Variants in RGMA observed in about 807,000 individuals in gnomAD.
RGMA encodes the protein repulsive guidance molecule A.
In RGMA, 10 loss-of-function variants were observed where a neutral mutation model predicts 23.2. The ratio of observed to expected loss-of-function variants is 0.43; its 90% CI spans 0.27 to 0.73. The LOEUF is 0.73. Among genes scored for constraint, RGMA ranks in the 30% least tolerant of loss-of-function variants. RGMA has a pLI of 0.20. For missense variants in RGMA, 547 were observed against 630.5 expected (o/e 0.87, Z 1.42); for synonymous variants, 308 against 279.3 (o/e 1.10, Z -1.03).
intron 1 of RGMA, chr15:93,073,537 G>A: frequency 2.7e-6 from 4 of 1,477,156 alleles, no homozygotes; most frequent in Non-Finnish European, 2.7e-6. Flanking sequence ...TAGAAAAACT[G>A]TCCTTGGAGG....
chr15:93,050,722 C>A lies in RGMA; in HGVS notation c.645+1271G>T, dbSNP rs372846754. ...ATTTGGTGCTTCCACCCCCTGGGGT[C>A]TGGAGGAGCGAGCCACCTGGGGTCC... On this transcript the variant is annotated intron_variant, in intron 3 of 3. Coordinates refer to ENST00000329082, the MANE Select transcript of RGMA (RefSeq NM_020211.3). 1.6e-4 allele frequency among the ~76,000 whole-genome samples: 24 copies of A among 152,320 alleles called. No individual in the cohort carries two copies. The East Asian group carries it at 4.2e-3, about 27-fold the overall frequency.
chr15:93,062,663 C>T (rs1385603601), intron 2 of RGMA: 2 of 152,208 alleles, frequency 1.3e-5, no homozygotes, highest in African/African-American at 4.8e-5. Flanking sequence ...GTTAAATTTC[C>T]CCACAAGGGG....
intron 2 of RGMA, among the ~76,000 whole-genome samples, chr15:93,061,707 C>G (rs1596092909): frequency 6.6e-6 from 1 of 152,270 alleles, no homozygotes; most frequent in Non-Finnish European, 1.5e-5. Flanking sequence ...TAGGGGAGGG[C>G]GCTTGGAGCA....
At chr15:93,053,042 G>A (rs1567182812) in intron 2 of RGMA, among the ~76,000 whole-genome samples, 1 of 152,186 alleles carries the variant, frequency 6.6e-6, no homozygotes, top group African/African-American at 2.4e-5. Context: ...AAAGGACTTA[G>A]TCTGGCCCCA....
chr15:93,088,636 A>G (rs1895682631), intron 1 of RGMA: 3 of 977,474 alleles, frequency 3.1e-6, no homozygotes, highest in South Asian at 6.8e-5. Flanking sequence ...CAGCCCGCAC[A>G]CGGTGTAAGG....
rs202147496 is a variant in RGMA at position 93,064,174 on chromosome 15, G to GA, written c.130+8741_130+8742insT. Among the ~76,000 whole-genome samples, 489 of 152,258 alleles carry GA rather than the reference G, an allele frequency of 3.2e-3. 2 individuals are homozygous for GA. Among genetic ancestry groups the GA allele is most frequent in the African/African-American group, 0.011 (471 of 41,560 alleles). On this transcript the variant is annotated intron_variant, in intron 2 of 3. Transcript: ENST00000329082. ...AGGCCACAAGCAGCTTCAGTGGGGG[G>GA]GCTGATAGCTTCTCTAGGCAAGAGG... is the stretch of plus-strand genomic sequence containing the variant.
At chr15:93,067,557 CG>C (rs139479249) in intron 2 of RGMA, among the ~76,000 whole-genome samples, 1 of 152,012 alleles carries the variant, frequency 6.6e-6, no homozygotes, top group African/African-American at 2.4e-5. Context: ...TCCCCGGCGT[CG>C]GGGGGGTCTG....
rs1203697838 is a variant in RGMA at position 93,038,065 on chromosome 15, A to G, written c.*6933T>C. The G allele has an allele frequency of 6.6e-6, 1 of 152,204 alleles. No individual in the cohort carries two copies. The highest frequency in any genetic ancestry group is 1.5e-5 in the Non-Finnish European group (1 of 68,046). 9.4% of individuals were successfully genotyped at this position (152,204 alleles called of 1,614,324 possible). ...GTTCTGCTACTAACACCATGTCTAT[A>G]TCTTAGGGAGGGAAGGATTAAAAAG... On this transcript the variant is annotated 3_prime_UTR_variant, in exon 4 of 4. Coordinates refer to ENST00000329082, the MANE Select transcript of RGMA (RefSeq NM_020211.3).
At position 93,041,866 on chromosome 15, in the gene RGMA, C is replaced by A. The variant is rs74245341; in HGVS notation, c.*3132G>T. On this transcript the variant is annotated 3_prime_UTR_variant, in exon 4 of 4. Coordinates refer to ENST00000329082, the MANE Select transcript of RGMA (RefSeq NM_020211.3). Reference sequence around the variant, plus strand: ...GCCCTGCAAGAACAGGGCTTTAGAACGTTCTCCTTTTTTGGCCGGGCACGG... The same window carrying A: ...GCCCTGCAAGAACAGGGCTTTAGAAAGTTCTCCTTTTTTGGCCGGGCACGG... 0.14 allele frequency: 21,668 copies of A among 152,320 alleles called. 3,858 individuals carry two copies. The highest frequency in any genetic ancestry group is 0.76 in the East Asian group (3,945 of 5,168). The allele number at this position is 152,320 out of a possible 1,614,324, so 9.4% of individuals were successfully genotyped here.
At chr15:93,063,650 C>T (rs994396176) in intron 2 of RGMA, among the ~76,000 whole-genome samples, 1 of 152,214 alleles carries the variant, frequency 6.6e-6, no homozygotes. Flanking sequence ...CTACAAGCAG[C>T]CAGAATGTGT....
At chr15:93,078,955 T>C (rs767658602) in intron 1 of RGMA, among the ~76,000 whole-genome samples, 37 of 152,252 alleles carry the variant, frequency 2.4e-4, no homozygotes, top group Non-Finnish European at 4.3e-4. Flanking sequence ...TTCTCATAAA[T>C]GCATTAACAG....
rs1315314666 is a variant in RGMA, at chr15:93,036,248, G to A, written c.*8750C>T. 1 of 152,258 alleles carries A rather than the reference G, an allele frequency of 6.6e-6. No homozygotes were observed. Among genetic ancestry groups the A allele is most frequent in the African/African-American group, 2.4e-5 (1 of 41,448 alleles). 9.4% of individuals were successfully genotyped at this position (152,258 alleles called of 1,614,324 possible). A position where few individuals can be genotyped will look rare whatever the true frequency, so the allele number is the denominator to read the frequency against. Reference sequence around the variant, plus strand: ...TGACGTATTTGTTGAATGCCTGAATGTGCCCCCAAATCCAGACTACGACCA... The same window carrying A: ...TGACGTATTTGTTGAATGCCTGAATATGCCCCCAAATCCAGACTACGACCA... On this transcript the variant is annotated 3_prime_UTR_variant, in exon 4 of 4. Coordinates refer to ENST00000329082, the MANE Select transcript of RGMA (RefSeq NM_020211.3).
At chr15:93,047,612 G>A (rs777378322) in intron 3 of RGMA, among the ~76,000 whole-genome samples, 1 of 151,016 alleles carries the variant, frequency 6.6e-6, no homozygotes, top group Non-Finnish European at 1.5e-5. Flanking sequence ...CCAGCTAGCT[G>A]GCTGGCTGAC....
intron 2 of RGMA, chr15:93,066,687 C>G (rs1895167332): frequency 2.6e-6 from 1 of 380,346 alleles, no homozygotes; most frequent in Admixed American, 3.6e-5. Flanking sequence ...CGCCGCCGCC[C>G]GGTTTTTTAT....
chr15:93,072,795 G>A, intron 2 of RGMA, 121 bp downstream of exon 2: 1 of 1,100,380 alleles, frequency 9.1e-7, no homozygotes, highest in South Asian at 1.6e-5. Context: ...CGTGGAAATA[G>A]GAGGCGGGGT....
intron 1 of RGMA, among the ~76,000 whole-genome samples, chr15:93,085,334 G>A (rs1004501180): frequency 2.6e-5 from 4 of 152,200 alleles, no homozygotes; most frequent in Non-Finnish European, 5.9e-5. Context: ...GCTGATCTCT[G>A]TTTTGGCCCA....
In RGMA at chr15:93,087,484, A is replaced by AAAAAAC. The variant is rs1555451779; in HGVS notation, c.14+1434_14+1435insGTTTTT. ...ATGTGCAAAAAAAAAAAAAAAAAAA[A>AAAAAAC]CCACAAAACCCAGTTTGGGTACACT... On this transcript the variant is annotated intron_variant, in intron 1 of 3. Coordinates refer to ENST00000329082, the MANE Select transcript of RGMA (RefSeq NM_020211.3). 6.0e-5 allele frequency among the ~76,000 whole-genome samples: 9 copies of AAAAAAC among 148,818 alleles called. No individual in the cohort carries two copies. The East Asian group carries it at 7.9e-4, about 13-fold the overall frequency.
intron 2 of RGMA, chr15:93,066,428 T>A (rs2141832688): frequency 1.6e-6 from 1 of 640,052 alleles, no homozygotes; most frequent in African/African-American, 1.8e-5. Context: ...AAGGCCGCCG[T>A]CGTTGCCAGG....
intron 1 of RGMA, among the ~76,000 whole-genome samples, chr15:93,086,003 G>C (rs1174742767): frequency 1.3e-5 from 2 of 152,226 alleles, no homozygotes; most frequent in African/African-American, 4.8e-5. Context: ...TAAGAGAAGA[G>C]AGGCTGAAAC....
Sources: gnomAD v4.1 joint callset for allele counts (sites outside exome capture counted in the v4.1 genomes callset) on GRCh38, gnomAD v4.1.1 for gene constraint, MANE v1.5 for transcripts, NCBI Gene and HGNC (gene_info 2026-07-23, HGNC 2026-07-21) for gene names.